FSTL5: variants seen among roughly 807,000 people sequenced by gnomAD.
The protein encoded by FSTL5 is follistatin-related protein 5.
A neutral mutation model predicts 89.1 loss-of-function variants in FSTL5; 62 were observed. The observed-to-expected ratio is 0.70, with a 90% CI of 0.57 to 0.86. The LOEUF is 0.86. Ranked by LOEUF, FSTL5 falls within the 40% of genes least tolerant of loss-of-function variation. The pLI, the probability that FSTL5 is intolerant of heterozygous loss-of-function variation, is 0.00. For missense variants in FSTL5, 1,057 were observed against 1,001.6 expected, an observed-to-expected ratio of 1.06 and a Z score of -0.75; for synonymous variants, 383 against 346.2, an observed-to-expected ratio of 1.11 and a Z score of -1.18.
chr4:161,709,740 G>A (rs1451168678), intron 6 of FSTL5, among the ~76,000 whole-genome samples: 2 of 152,058 alleles, frequency 1.3e-5, no homozygotes, highest in African/African-American at 2.4e-5. Context: ...AGGCTTCAGT[G>A]AGCCATGATC....
intron 4 of FSTL5, among the ~76,000 whole-genome samples, chr4:161,814,162 G>T (rs1326487986): frequency 6.6e-6 from 1 of 151,966 alleles, no homozygotes; most frequent in African/African-American, 2.4e-5. Context: ...AGAAGGGGAA[G>T]AAATTACACA....
At position 161,455,008 on chromosome 4, in the gene FSTL5, T is replaced by A; in HGVS notation, c.1837A>T (p.Met613Leu). The change falls in exon 15 of 16, where the codon ATG becomes TTG. Residue 613 changes from methionine (M) to leucine (L), a missense_variant. Met to Leu is a conservative substitution (Grantham distance 15). Transcript: ENST00000306100. ...ATCACTCAACTTAGCACTTACCTCA[T>A]ATGGGTGATAATGAGTGTTGTGGTG... is the stretch of plus-strand genomic sequence containing the variant. Reference protein sequence around the residue: ...IPTTTLIITHMRFGFILHKDE... With the variant: ...IPTTTLIITHLRFGFILHKDE... 6.2e-7 allele frequency: 1 copy of A among 1,613,256 alleles called. No individual in the cohort carries two copies. Among genetic ancestry groups the A allele is most frequent in the Non-Finnish European group, 8.5e-7 (1 of 1,179,530 alleles).
chr4:161,782,202 C>G (rs1388766228), intron 4 of FSTL5, among the ~76,000 whole-genome samples: 1 of 152,138 alleles, frequency 6.6e-6, no homozygotes, highest in Non-Finnish European at 1.5e-5. Context: ...CTATAAACAT[C>G]TGTGTGAAGG....
At chr4:162,148,716 T>G (rs1733103358) in intron 1 of FSTL5, among the ~76,000 whole-genome samples, 1 of 152,210 alleles carries the variant, frequency 6.6e-6, no homozygotes, top group Admixed American at 6.6e-5. Context: ...TTATAATGCC[T>G]TCTAAATATG....
chr4:161,757,732 C>A (rs1415836185), intron 6 of FSTL5, among the ~76,000 whole-genome samples: 2 of 152,106 alleles, frequency 1.3e-5, no homozygotes, highest in African/African-American at 4.8e-5. Flanking sequence ...GATTCTCCTG[C>A]CTCAGCGTCC....
chr4:161,515,698 G>A (rs1730799394), intron 10 of FSTL5, among the ~76,000 whole-genome samples: 1 of 151,714 alleles, frequency 6.6e-6, no homozygotes. Context: ...CCTTTTAAAA[G>A]TATTATGATT....
chr4:162,111,103 A>T (rs1731419689), intron 2 of FSTL5, among the ~76,000 whole-genome samples, 168 bp downstream of exon 2: 1 of 152,142 alleles, frequency 6.6e-6, no homozygotes, highest in East Asian at 1.9e-4. Context: ...GTAAATTTCC[A>T]AATTTACTGC....
intron 11 of FSTL5, among the ~76,000 whole-genome samples, chr4:161,508,881 A>C (rs1730565249): frequency 6.6e-6 from 1 of 152,172 alleles, no homozygotes; most frequent in African/African-American, 2.4e-5. Flanking sequence ...TTTCCCAGCA[A>C]TTAACCGTCA....
At chr4:161,975,519 C>G (rs866526953) in intron 3 of FSTL5, among the ~76,000 whole-genome samples, 12 of 147,280 alleles carry the variant, frequency 8.1e-5, no homozygotes, top group East Asian at 6.2e-4. Context: ...AACCAAACAC[C>G]GCATATTCTC....
At chr4:161,971,470 T>C (rs1289634382) in intron 3 of FSTL5, among the ~76,000 whole-genome samples, 1 of 152,094 alleles carries the variant, frequency 6.6e-6, no homozygotes, top group Non-Finnish European at 1.5e-5. Context: ...ATGTTTCCTC[T>C]CTCCAACAAT....
At chr4:161,697,695 G>T (rs1560795852) in intron 6 of FSTL5, among the ~76,000 whole-genome samples, 1 of 152,074 alleles carries the variant, frequency 6.6e-6, no homozygotes, top group Non-Finnish European at 1.5e-5. Context: ...CCTGTCATTC[G>T]CTGTAATGTA....
chr4:162,131,632 C>T (rs907321985), intron 1 of FSTL5, among the ~76,000 whole-genome samples: 2 of 152,124 alleles, frequency 1.3e-5, no homozygotes, highest in East Asian at 1.9e-4. Flanking sequence ...TGGAGAGTAC[C>T]TACTGCAGCA....
At chr4:161,903,430 T>C (rs978486356) in intron 4 of FSTL5, among the ~76,000 whole-genome samples, 3 of 152,064 alleles carry the variant, frequency 2.0e-5, no homozygotes, top group Admixed American at 1.3e-4. Context: ...TCAATTATTA[T>C]TGCATAAAAC....
At chr4:161,971,592 TA>T (rs1417258421) in intron 3 of FSTL5, among the ~76,000 whole-genome samples, 1 of 152,090 alleles carries the variant, frequency 6.6e-6, no homozygotes, top group African/African-American at 2.4e-5. Flanking sequence ...TGTAATTACC[TA>T]AACATTCCTG....
At position 161,849,178 on chromosome 4, in the gene FSTL5, T is replaced by C. The variant is rs554310716; in HGVS notation, c.409+71226A>G. On this transcript the variant is annotated intron_variant, in intron 4 of 15. Transcript: ENST00000306100. Reference sequence around the variant, plus strand: ...TTCCTGGGCAAATCTTTAAAAAGAGTGCCCACTCACTTTTAAATCTGAAAC... The same window carrying C: ...TTCCTGGGCAAATCTTTAAAAAGAGCGCCCACTCACTTTTAAATCTGAAAC... Among the ~76,000 whole-genome samples the C allele has an allele frequency of 1.2e-3, 188 of 152,164 alleles. 2 individuals carry two copies. Among genetic ancestry groups the C allele is most frequent in the Non-Finnish European group, 1.7e-3 (115 of 67,980 alleles).
In FSTL5 at chr4:161,427,221, G is replaced by A. The variant is rs1024708492; in HGVS notation, c.1841+27783C>T. 1.2e-4 allele frequency among the ~76,000 whole-genome samples: 19 copies of A among 152,260 alleles called. No homozygotes were observed. In the East Asian group the frequency reaches 3.1e-3, roughly 25 times the overall value. ...AAATTTATTTTATTAAACTTCTGCTGAATGTTAACTTCTGTAGCAGCCATA... is the reference window on the plus strand; with the variant it reads ...AAATTTATTTTATTAAACTTCTGCTAAATGTTAACTTCTGTAGCAGCCATA... On this transcript the variant is annotated intron_variant, in intron 15 of 15. Coordinates refer to ENST00000306100, the MANE Select transcript of FSTL5 (RefSeq NM_020116.5).
chr4:161,748,037 T>C (rs1740262794), intron 6 of FSTL5, among the ~76,000 whole-genome samples: 1 of 152,120 alleles, frequency 6.6e-6, no homozygotes, highest in Non-Finnish European at 1.5e-5. Flanking sequence ...ATAATATCCT[T>C]AAGAAATTCA....
At chr4:161,756,453 A>G (rs923182115) in intron 6 of FSTL5, among the ~76,000 whole-genome samples, 1 of 152,120 alleles carries the variant, frequency 6.6e-6, no homozygotes, top group African/African-American at 2.4e-5. Context: ...CTACTTTCTA[A>G]TAGTTAATGA....
At chr4:162,151,156 T>C (rs1733209386) in intron 1 of FSTL5, among the ~76,000 whole-genome samples, 1 of 152,134 alleles carries the variant, frequency 6.6e-6, no homozygotes, top group East Asian at 1.9e-4. Flanking sequence ...CATTAGGGCA[T>C]ATATGATACT....
Sources: allele counts gnomAD v4.1 joint callset (sites outside exome capture counted in the v4.1 genomes callset), GRCh38; gene constraint gnomAD v4.1.1; transcripts MANE v1.5; gene names NCBI Gene and HGNC (gene_info 2026-07-23, HGNC 2026-07-21).